The following COL24A1 variants were observed in gnomAD, a reference collection of about 807,000 sequenced individuals.
COL24A1 encodes the protein collagen alpha-1(XXIV) chain.
Under a neutral mutation model 253.9 loss-of-function variants are expected in COL24A1, and 224 were observed. The observed-to-expected ratio is 0.88, with a 90% CI of 0.79 to 0.99. The LOEUF (loss-of-function observed/expected upper bound fraction) is 0.99, where lower values mean the gene tolerates loss of function less well. COL24A1 is among the 50% of genes least tolerant of loss of function. The pLI, the probability that COL24A1 is intolerant of heterozygous loss-of-function variation, is 0.00. For missense variants in COL24A1, 2,131 were observed against 2,068.5 expected, an observed-to-expected ratio of 1.03 and a Z score of -0.59; for synonymous variants, 685 against 673.7, an observed-to-expected ratio of 1.02 and a Z score of -0.26.
intron 2 of COL24A1, among the ~76,000 whole-genome samples, chr1:86,141,988 G>A (rs886426304): frequency 6.6e-5 from 10 of 151,906 alleles, no homozygotes; most frequent in East Asian, 1.9e-4. Context: ...CATGAGCCTC[G>A]CATCTGGCCA....
intron 37 of COL24A1, among the ~76,000 whole-genome samples, chr1:85,849,625 AAG>A (rs1328656073): frequency 6.6e-6 from 1 of 152,194 alleles, no homozygotes; most frequent in African/African-American, 2.4e-5. Context: ...CAAACTGGCC[AAG>A]AGAGTCTTAA....
intron 47 of COL24A1, among the ~76,000 whole-genome samples, chr1:85,792,569 G>A (rs749878079): frequency 4.0e-5 from 6 of 150,804 alleles, no homozygotes; most frequent in Admixed American, 3.3e-4. Context: ...ACCAGGGCAT[G>A]GTATTGTGAG....
intron 24 of COL24A1, among the ~76,000 whole-genome samples, chr1:85,921,151 C>T (rs12564780): frequency 0.12 from 17,745 of 152,142 alleles, 1,150 homozygotes; most frequent in South Asian, 0.23. Context: ...CTGGGAAGTG[C>T]AAGGGGTTGG....
chr1:85,792,700 C>T lies in COL24A1; in HGVS notation c.3952-6239G>A, dbSNP rs184649269. Among the ~76,000 whole-genome samples, 4 of 151,220 alleles carry T rather than the reference C, an allele frequency of 2.6e-5. No homozygotes were observed. In the East Asian group the frequency reaches 7.8e-4, roughly 29 times the overall value. On this transcript the variant is annotated intron_variant, in intron 47 of 59. Coordinates refer to ENST00000370571, the MANE Select transcript of COL24A1 (RefSeq NM_152890.7). ...TCTAGCCTGGGCAACAGAGTGAGAC[C>T]CTGTCTCAAAAATAAACAAATAAAT...
Position 85,877,169 on chromosome 1 carries a change from G to A in COL24A1, c.2983C>T (p.Arg995Ter), listed in dbSNP as rs376940642. 23 of 1,599,098 alleles carry A rather than the reference G, an allele frequency of 1.4e-5. No homozygotes were observed. Among genetic ancestry groups the A allele is most frequent in the African/African-American group, 1.2e-4 (9 of 74,186 alleles). ...GGTCCAACATCACCTTGCAGTCCTC[G>A]CAGTCCCTATATTAAAATAAAATTT... ...DRGLPGEPGL[R>*]GLQGDVGPPG... The change falls in exon 33 of 60, where the codon CGA becomes TGA. Residue 995 changes from arginine to a stop codon, truncating the protein, a stop_gained. Coordinates refer to ENST00000370571, the MANE Select transcript of COL24A1 (RefSeq NM_152890.7). LOFTEE classifies it high-confidence loss of function.
At chr1:85,971,277 T>TA (rs1692141899) in intron 21 of COL24A1, 63 bp downstream of exon 21, 1 of 1,429,608 alleles carries the variant, frequency 7.0e-7, no homozygotes. Flanking sequence ...CCACAATAAA[T>TA]AAAAAGGGAA....
intron 55 of COL24A1, among the ~76,000 whole-genome samples, chr1:85,756,868 A>G (rs1039335703): frequency 6.6e-6 from 1 of 152,246 alleles, no homozygotes; most frequent in East Asian, 1.9e-4. Context: ...ACTATTATTC[A>G]GCTTTGAAAA....
At chr1:85,767,922 G>A (rs756060390) in intron 53 of COL24A1, among the ~76,000 whole-genome samples, 35 of 152,172 alleles carry the variant, frequency 2.3e-4, no homozygotes, top group Non-Finnish European at 4.7e-4. Flanking sequence ...GATAACCTGT[G>A]TACCACACAA....
intron 47 of COL24A1, among the ~76,000 whole-genome samples, chr1:85,792,723 A>C (rs1670422704): frequency 1.3e-5 from 2 of 151,874 alleles, no homozygotes; most frequent in Admixed American, 6.6e-5. Context: ...TAAACAAATA[A>C]ATTAATAAGA....
rs528042195 is a variant in COL24A1, at chr1:86,043,794, G to A, written c.1950+3031C>T. Among the ~76,000 whole-genome samples the A allele has an allele frequency of 8.5e-5, 13 of 152,248 alleles. No homozygotes were observed. The South Asian group carries it at 2.7e-3, about 32-fold the overall frequency. ...GCCCGCCTCGGCCCCCCAAAGCACT[G>A]GGATTATAGGCATGAGCCACCATGC... On this transcript the variant is annotated intron_variant, in intron 12 of 59. Coordinates refer to ENST00000370571, the MANE Select transcript of COL24A1 (RefSeq NM_152890.7).
chr1:85,760,627 C>T (rs150532405), intron 55 of COL24A1, among the ~76,000 whole-genome samples: 2 of 151,960 alleles, frequency 1.3e-5, no homozygotes, highest in African/African-American at 2.4e-5. Context: ...AATAAGAAGG[C>T]TTAAATGGCA....
intron 20 of COL24A1, among the ~76,000 whole-genome samples, chr1:85,978,031 T>C (rs924827235): frequency 1.3e-5 from 2 of 152,194 alleles, no homozygotes; most frequent in African/African-American, 4.8e-5. Flanking sequence ...AGCAGATTCC[T>C]CAGCAGAAAC....
chr1:86,156,626 C>T lies in COL24A1; in HGVS notation c.-230G>A, dbSNP rs1653660574. The T allele has an allele frequency of 2.6e-6, 1 of 389,120 alleles. No homozygotes were observed. The highest frequency in any genetic ancestry group is 5.7e-5 in the South Asian group (1 of 17,482). 24.1% of individuals were successfully genotyped at this position (389,120 alleles called of 1,614,324 possible). On this transcript the variant is annotated 5_prime_UTR_variant, in exon 1 of 60. Coordinates refer to ENST00000370571, the MANE Select transcript of COL24A1 (RefSeq NM_152890.7). ...CCTAGCTCTCTGGCTCGGTAACGAA[C>T]GAGCCCAGGGTTGCGCTCCCCGGGG...
chr1:85,940,382 C>T (rs1303731840), intron 24 of COL24A1, among the ~76,000 whole-genome samples: 1 of 11,066 alleles, frequency 9.0e-5, no homozygotes, highest in Non-Finnish European at 1.9e-4. Context: ...CCAGCCTGGG[C>T]GACAGAGCGA....
rs1045380147 is a variant in COL24A1 at position 85,907,321 on chromosome 1, T to C, written c.2725-74A>G. On this transcript the variant is annotated intron_variant, in intron 27 of 59. Coordinates refer to ENST00000370571, the MANE Select transcript of COL24A1 (RefSeq NM_152890.7). The stretch of plus-strand genomic sequence containing the variant: ...TCAGAATAATAGCCATAATCTTTCT[T>C]ATAACATATATCCTTCTCCCAGGAC... The C allele has an allele frequency of 2.5e-6, 3 of 1,214,046 alleles. No individual in the cohort carries two copies. The African/African-American group carries it at 4.5e-5, about 18-fold the overall frequency. 75.2% of individuals were successfully genotyped at this position (1,214,046 alleles called of 1,614,324 possible).
intron 37 of COL24A1, among the ~76,000 whole-genome samples, chr1:85,856,152 T>C (rs1678415125): frequency 6.6e-6 from 1 of 152,208 alleles, no homozygotes. Flanking sequence ...AAATGAAGTT[T>C]TGGTTTTGTT....
chr1:86,031,260 G>A (rs1048193561), intron 14 of COL24A1, among the ~76,000 whole-genome samples: 1 of 151,818 alleles, frequency 6.6e-6, no homozygotes, highest in Non-Finnish European at 1.5e-5. Context: ...GGGTAGGAGT[G>A]GGGGTTATAA....
intron 7 of COL24A1, among the ~76,000 whole-genome samples, chr1:86,066,802 T>C (rs1557473160): frequency 6.6e-6 from 1 of 152,090 alleles, no homozygotes; most frequent in Non-Finnish European, 1.5e-5. Context: ...ACTACTTTTT[T>C]CAATGTAGCT....
intron 28 of COL24A1, among the ~76,000 whole-genome samples, chr1:85,897,550 G>A (rs968653879): frequency 2.0e-5 from 3 of 152,080 alleles, no homozygotes; most frequent in African/African-American, 7.2e-5. Flanking sequence ...CACAGAAAAG[G>A]TAGAGAAAAT....
Sources: allele counts gnomAD v4.1 joint callset (sites outside exome capture counted in the v4.1 genomes callset), GRCh38; gene constraint gnomAD v4.1.1; transcripts MANE v1.5; gene names NCBI Gene and HGNC (gene_info 2026-07-23, HGNC 2026-07-21).